FBXL7: variants seen among roughly 807,000 people sequenced by gnomAD.
The protein encoded by FBXL7 is F-box and leucine rich repeat protein 7.
In FBXL7, 12 loss-of-function variants were observed where a neutral mutation model predicts 38.3. The ratio of observed to expected loss-of-function variants is 0.31; its 90% CI spans 0.20 to 0.51. The LOEUF is 0.51. Ranked by LOEUF, FBXL7 falls within the 20% of genes least tolerant of loss-of-function variation. The pLI, the probability that FBXL7 is intolerant of heterozygous loss-of-function variation, is 0.98. For synonymous variants in FBXL7, 297 were observed against 300.9 expected, an observed-to-expected ratio of 0.99 and a Z score of 0.13; for missense variants, 567 against 676.4, an observed-to-expected ratio of 0.84 and a Z score of 1.79.
chr5:15,506,932 T>C (rs1258499607), intron 1 of FBXL7, among the ~76,000 whole-genome samples: 1 of 150,752 alleles, frequency 6.6e-6, no homozygotes, highest in African/African-American at 2.4e-5. Flanking sequence ...AGTATAACAT[T>C]ATCCGTCTTC....
At chr5:15,642,239 A>T (rs1295467256) in intron 2 of FBXL7, among the ~76,000 whole-genome samples, 1 of 152,152 alleles carries the variant, frequency 6.6e-6, no homozygotes, top group Non-Finnish European at 1.5e-5. Flanking sequence ...GGAAAAATTA[A>T]CAAAAGGATA....
At chr5:15,863,481 T>C (rs1739568189) in intron 2 of FBXL7, among the ~76,000 whole-genome samples, 1 of 152,208 alleles carries the variant, frequency 6.6e-6, no homozygotes. Context: ...ATAAAATATC[T>C]ACATGGGAGC....
chr5:15,575,563 G>A (rs1217580436), intron 1 of FBXL7, among the ~76,000 whole-genome samples: 1 of 152,158 alleles, frequency 6.6e-6, no homozygotes, highest in East Asian at 1.9e-4. Flanking sequence ...TCCCATTCTG[G>A]TGGCTTCATA....
At chr5:15,564,496 G>C (rs1190400681) in intron 1 of FBXL7, among the ~76,000 whole-genome samples, 1 of 151,520 alleles carries the variant, frequency 6.6e-6, no homozygotes, top group Non-Finnish European at 1.5e-5. Flanking sequence ...GTGTTCATGG[G>C]ATTTATTGAG....
intron 1 of FBXL7, among the ~76,000 whole-genome samples, chr5:15,566,090 AG>A (rs1160686390): frequency 6.6e-6 from 1 of 152,114 alleles, no homozygotes; most frequent in African/African-American, 2.4e-5. Flanking sequence ...TGACATTTAC[AG>A]GAGTCTGTCT....
At chr5:15,794,146 A>T (rs576528830) in intron 2 of FBXL7, among the ~76,000 whole-genome samples, 1 of 152,214 alleles carries the variant, frequency 6.6e-6, no homozygotes, top group Non-Finnish European at 1.5e-5. Context: ...CTCTTCTCCT[A>T]TGGAGTGTAA....
intron 2 of FBXL7, among the ~76,000 whole-genome samples, chr5:15,740,713 T>C (rs1200231972): frequency 2.6e-5 from 4 of 152,194 alleles, no homozygotes; most frequent in African/African-American, 7.2e-5. Flanking sequence ...TTGAGCTGGC[T>C]AACCAAAATA....
chr5:15,719,149 T>C (rs925612283), intron 2 of FBXL7, among the ~76,000 whole-genome samples: 5 of 152,120 alleles, frequency 3.3e-5, no homozygotes, highest in African/African-American at 1.2e-4. Flanking sequence ...GGCAGCTTTC[T>C]GGTGGGATTT....
chr5:15,784,248 C>A (rs1293162930), intron 2 of FBXL7, among the ~76,000 whole-genome samples: 1 of 151,912 alleles, frequency 6.6e-6, no homozygotes, highest in Non-Finnish European at 1.5e-5. Flanking sequence ...TCAGATTCCC[C>A]ATTAGACAAA....
At chr5:15,581,306 T>C (rs1179810206) in intron 1 of FBXL7, among the ~76,000 whole-genome samples, 1 of 152,046 alleles carries the variant, frequency 6.6e-6, no homozygotes, top group Non-Finnish European at 1.5e-5. Flanking sequence ...AACTTGAAAA[T>C]GCATGAAAGA....
At chr5:15,734,488 T>C (rs1376525876) in intron 2 of FBXL7, among the ~76,000 whole-genome samples, 1 of 152,224 alleles carries the variant, frequency 6.6e-6, no homozygotes, top group Admixed American at 6.5e-5. Context: ...GAGTGGTTGT[T>C]GTAAGTATCA....
intron 2 of FBXL7, among the ~76,000 whole-genome samples, chr5:15,905,383 C>T (rs1026576425): frequency 6.6e-6 from 1 of 152,152 alleles, no homozygotes; most frequent in Non-Finnish European, 1.5e-5. Flanking sequence ...TGGAGGCCAG[C>T]CTGCAAATAA....
chr5:15,813,857 C>G (rs1455281705), intron 2 of FBXL7, among the ~76,000 whole-genome samples: 1 of 152,040 alleles, frequency 6.6e-6, no homozygotes, highest in East Asian at 1.9e-4. Flanking sequence ...TAGAGAAATG[C>G]AAATCAAAAG....
intron 2 of FBXL7, among the ~76,000 whole-genome samples, chr5:15,630,056 G>A (rs879681915): frequency 1.3e-5 from 2 of 152,058 alleles, no homozygotes; most frequent in South Asian, 2.1e-4. Flanking sequence ...AAAGGAAGGT[G>A]GAACAGAAGA....
At chr5:15,509,662 T>C (rs200717845) in intron 1 of FBXL7, among the ~76,000 whole-genome samples, 12 of 152,148 alleles carry the variant, frequency 7.9e-5, no homozygotes, top group East Asian at 1.9e-4. Context: ...TGTAGGCTCT[T>C]GGGAGAAGCT....
intron 2 of FBXL7, among the ~76,000 whole-genome samples, chr5:15,768,995 A>G (rs1736663099): frequency 6.6e-6 from 1 of 152,204 alleles, no homozygotes; most frequent in African/African-American, 2.4e-5. Context: ...TTGATCCAAA[A>G]TATTGGCATG....
At chr5:15,799,587 C>T (rs888302211) in intron 2 of FBXL7, among the ~76,000 whole-genome samples, 2 of 152,116 alleles carry the variant, frequency 1.3e-5, no homozygotes, top group African/African-American at 2.4e-5. Context: ...GTCTCGAACT[C>T]CCAACCTCAG....
chr5:15,768,926 A>C (rs1309737739), intron 2 of FBXL7, among the ~76,000 whole-genome samples: 1 of 152,260 alleles, frequency 6.6e-6, no homozygotes, highest in Admixed American at 6.5e-5. Context: ...CAATTTATCA[A>C]AACAACAAAC....
At chr5:15,806,207 A>G in intron 2 of FBXL7, among the ~76,000 whole-genome samples, 1 of 152,224 alleles carries the variant, frequency 6.6e-6, no homozygotes, top group East Asian at 1.9e-4. Flanking sequence ...TAGAGGTTAT[A>G]CAAGCCAGTT....
Sources: allele counts gnomAD v4.1 joint callset (sites outside exome capture counted in the v4.1 genomes callset), GRCh38; gene constraint gnomAD v4.1.1; transcripts MANE v1.5; gene names NCBI Gene and HGNC (gene_info 2026-07-23, HGNC 2026-07-21).